ADAMTS17: variants seen among roughly 807,000 people sequenced by gnomAD.
ADAMTS17 encodes A disintegrin and metalloproteinase with thrombospondin motifs 17.
A neutral mutation model predicts 141.5 loss-of-function variants in ADAMTS17; 113 were observed. That is an observed-to-expected ratio of 0.80 (90% CI 0.69 to 0.93). The LOEUF is 0.93. Ranked by LOEUF, ADAMTS17 falls within the 40% of genes least tolerant of loss-of-function variation. The pLI, the probability that ADAMTS17 is intolerant of heterozygous loss-of-function variation, is 0.00. For missense variants in ADAMTS17, 1,659 were observed against 1,517.9 expected, an observed-to-expected ratio of 1.09 and a Z score of -1.54; for synonymous variants, 768 against 630.6, an observed-to-expected ratio of 1.22 and a Z score of -3.27.
chr15:100,281,112 T>C, intron 4 of ADAMTS17, 117 bp downstream of exon 4: 1 of 1,419,876 alleles, frequency 7.0e-7, no homozygotes. Context: ...TATGTTCCCG[T>C]ATCCCCAACC....
intron 14 of ADAMTS17, among the ~76,000 whole-genome samples, chr15:100,108,110 G>A (rs1027040204): frequency 2.6e-5 from 4 of 152,066 alleles, no homozygotes; most frequent in Non-Finnish European, 4.4e-5. Flanking sequence ...GCTACAGGTG[G>A]CCCTCAGCTT....
intron 15 of ADAMTS17, among the ~76,000 whole-genome samples, chr15:100,095,961 T>C (rs565993641): frequency 6.6e-6 from 1 of 152,320 alleles, no homozygotes; most frequent in African/African-American, 2.4e-5. Flanking sequence ...CTACTTTTAC[T>C]AACAGAAAAT....
At chr15:100,249,538 C>A (rs184517426) in intron 7 of ADAMTS17, among the ~76,000 whole-genome samples, 376 of 152,316 alleles carry the variant, frequency 2.5e-3, no homozygotes, top group African/African-American at 8.4e-3. Context: ...CACTCCCCAG[C>A]CGTGGTGGCA....
At chr15:100,231,508 C>A (rs1294890787) in intron 7 of ADAMTS17, among the ~76,000 whole-genome samples, 1 of 152,216 alleles carries the variant, frequency 6.6e-6, no homozygotes, top group Non-Finnish European at 1.5e-5. Flanking sequence ...AGAAAAGAAT[C>A]CTGGCCAGTT....
rs777072793 is a variant in ADAMTS17, at chr15:100,116,840, C to A, written c.1888+7G>T. 2 of 1,614,066 alleles carry A rather than the reference C, an allele frequency of 1.2e-6. No individual in the cohort carries two copies. Among genetic ancestry groups the A allele is most frequent in the South Asian group, 2.2e-5 (2 of 91,060 alleles). On this transcript the variant is annotated splice_region_variant and intron_variant, in intron 13 of 21. Coordinates refer to ENST00000268070, the MANE Select transcript of ADAMTS17 (RefSeq NM_139057.4). ...CTGCCATGCAAGGACATGCCATATG[C>A]CTTTACCGTCAACCACCACGGCTGT...
At chr15:100,279,293 C>A (rs761997123) in intron 4 of ADAMTS17, among the ~76,000 whole-genome samples, 21 of 152,362 alleles carry the variant, frequency 1.4e-4, no homozygotes, top group Non-Finnish European at 2.9e-4. Flanking sequence ...CCAGCACTTA[C>A]CCCTGAGCTC....
At chr15:100,243,573 T>C (rs2042891705) in intron 7 of ADAMTS17, among the ~76,000 whole-genome samples, 2 of 152,134 alleles carry the variant, frequency 1.3e-5, no homozygotes, top group African/African-American at 2.4e-5. Flanking sequence ...GTGGATCACC[T>C]GAGGTCAGGA....
At chr15:99,975,141 C>T (rs926094080) in intron 21 of ADAMTS17, among the ~76,000 whole-genome samples, 1 of 152,186 alleles carries the variant, frequency 6.6e-6, no homozygotes, top group Non-Finnish European at 1.5e-5. Flanking sequence ...AGTTTCCAGC[C>T]TCAGGTAGGA....
chr15:100,248,165 G>A (rs116921611), intron 7 of ADAMTS17, among the ~76,000 whole-genome samples: 2 of 152,222 alleles, frequency 1.3e-5, no homozygotes, highest in East Asian at 3.9e-4. Context: ...TCCTCCTGTA[G>A]GATCACCCCT....
chr15:100,140,862 C>T (rs993159608), intron 10 of ADAMTS17, among the ~76,000 whole-genome samples: 5 of 152,138 alleles, frequency 3.3e-5, no homozygotes, highest in Non-Finnish European at 5.9e-5. Flanking sequence ...AGCGACATGC[C>T]GTTCCCTCCG....
At chr15:100,089,604 T>G (rs1327159813) in intron 15 of ADAMTS17, among the ~76,000 whole-genome samples, 1 of 151,856 alleles carries the variant, frequency 6.6e-6, no homozygotes, top group Non-Finnish European at 1.5e-5. Flanking sequence ...AGTGATTGAC[T>G]GGATTAAGAA....
chr15:100,082,428 T>C (rs1294690845), intron 15 of ADAMTS17, among the ~76,000 whole-genome samples: 2 of 151,670 alleles, frequency 1.3e-5, no homozygotes, highest in African/African-American at 4.8e-5. Context: ...TTGCCCAGGA[T>C]GGAGTGCAGT....
chr15:100,033,688 C>T (rs979294426), intron 18 of ADAMTS17, among the ~76,000 whole-genome samples: 2 of 152,214 alleles, frequency 1.3e-5, no homozygotes, highest in African/African-American at 4.8e-5. Context: ...AACCTGGGTT[C>T]TGAGCAGAGT....
intron 7 of ADAMTS17, among the ~76,000 whole-genome samples, chr15:100,236,928 G>A (rs1180549599): frequency 1.3e-5 from 2 of 152,148 alleles, no homozygotes; most frequent in South Asian, 4.1e-4. Flanking sequence ...TGTCACAGGA[G>A]GGAACTCTAC....
chr15:100,109,697 C>T (rs997692272), intron 13 of ADAMTS17, among the ~76,000 whole-genome samples: 1 of 152,120 alleles, frequency 6.6e-6, no homozygotes. Context: ...CTTATAAGAG[C>T]CGCATGTGCA....
intron 3 of ADAMTS17, among the ~76,000 whole-genome samples, chr15:100,302,184 T>C (rs939168154): frequency 2.0e-5 from 3 of 152,244 alleles, no homozygotes; most frequent in Non-Finnish European, 4.4e-5. Flanking sequence ...TGATCTTCTG[T>C]GTCTGGTTTC....
At chr15:100,331,553 C>T (rs567411828) in intron 2 of ADAMTS17, among the ~76,000 whole-genome samples, 1 of 152,226 alleles carries the variant, frequency 6.6e-6, no homozygotes, top group South Asian at 2.1e-4. Flanking sequence ...TGCTAGTTTC[C>T]CTTCTTATGC....
intron 18 of ADAMTS17, among the ~76,000 whole-genome samples, chr15:100,026,083 C>A (rs570505353): frequency 2.6e-4 from 40 of 152,288 alleles, no homozygotes; most frequent in African/African-American, 9.1e-4. Flanking sequence ...TATGAGCCTC[C>A]CCCAACAATT....
chr15:100,063,692 G>A, intron 15 of ADAMTS17: 2 of 1,289,860 alleles, frequency 1.6e-6, no homozygotes, highest in Non-Finnish European at 2.0e-6. Flanking sequence ...GAAAGCTGTG[G>A]GCAGGTTTAT....
Sources: gnomAD v4.1 joint callset for allele counts (sites outside exome capture counted in the v4.1 genomes callset) on GRCh38, gnomAD v4.1.1 for gene constraint, MANE v1.5 for transcripts, NCBI Gene and HGNC (gene_info 2026-07-23, HGNC 2026-07-21) for gene names.